Variants in TRIQK observed in about 807,000 individuals in gnomAD.
TRIQK encodes the protein triple QxxK/R motif-containing protein.
In TRIQK, 10 loss-of-function variants were observed where a neutral mutation model predicts 10.8. The ratio of observed to expected loss-of-function variants is 0.92; its 90% CI spans 0.57 to 1.57. The LOEUF is 1.57. Among genes scored for constraint, TRIQK ranks in the 40% most tolerant of loss-of-function variants. The pLI, the probability that TRIQK is intolerant of heterozygous loss-of-function variation, is 0.00. For synonymous variants in TRIQK, 33 were observed against 33.7 expected, an observed-to-expected ratio of 0.98 and a Z score of 0.07; for missense variants, 107 against 97.7, an observed-to-expected ratio of 1.09 and a Z score of -0.40.
At chr8:93,000,386 T>A (rs1406502046) in intron 1 of TRIQK, among the ~76,000 whole-genome samples, 1 of 152,154 alleles carries the variant, frequency 6.6e-6, no homozygotes, top group Non-Finnish European at 1.5e-5. Flanking sequence ...CAAAGGCACA[T>A]CTTACATGGT....
At chr8:92,927,941 T>G (rs1461291719) in intron 2 of TRIQK, 1 of 152,166 alleles carries the variant, frequency 6.6e-6, no homozygotes, top group Admixed American at 6.5e-5. Flanking sequence ...GATTCACAGG[T>G]ATGTGAACAA....
At chr8:93,011,435 G>T (rs1237030634) in intron 1 of TRIQK, among the ~76,000 whole-genome samples, 5 of 152,044 alleles carry the variant, frequency 3.3e-5, no homozygotes, top group Admixed American at 2.0e-4. Flanking sequence ...CAGTAGGCAA[G>T]ATACAGATGG....
At chr8:92,946,892 T>G (rs571670502) in intron 2 of TRIQK, among the ~76,000 whole-genome samples, 1 of 151,994 alleles carries the variant, frequency 6.6e-6, no homozygotes, top group East Asian at 1.9e-4. Context: ...TCAGAGTAGC[T>G]GGGACCGCAG....
chr8:92,969,024 G>C (rs533916671), upstream of TRIQK, among the ~76,000 whole-genome samples: 5 of 152,288 alleles, frequency 3.3e-5, no homozygotes, highest in African/African-American at 1.2e-4. Flanking sequence ...CATATAGCTA[G>C]CCAGTTTTCC....
chr8:93,006,523 A>G (rs1021880809), intron 1 of TRIQK, among the ~76,000 whole-genome samples: 17 of 152,172 alleles, frequency 1.1e-4, no homozygotes, highest in Non-Finnish European at 1.3e-4. Context: ...CCCAGTGGCG[A>G]CTAAGACTGC....
intron 1 of TRIQK, among the ~76,000 whole-genome samples, chr8:92,984,015 A>G (rs1469930020): frequency 1.3e-5 from 2 of 152,112 alleles, no homozygotes; most frequent in East Asian, 3.9e-4. Context: ...GTTACGTGAA[A>G]AATATCTATT....
intron 2 of TRIQK, among the ~76,000 whole-genome samples, chr8:92,933,711 T>C (rs1456193530): frequency 6.6e-6 from 1 of 152,170 alleles, no homozygotes; most frequent in African/African-American, 2.4e-5. Flanking sequence ...TGGGTATTTA[T>C]ACATTTAAAA....
At chr8:92,895,087 A>C (rs562571534) in intron 3 of TRIQK, among the ~76,000 whole-genome samples, 1 of 152,294 alleles carries the variant, frequency 6.6e-6, no homozygotes, top group African/African-American at 2.4e-5. Context: ...AGAGTGGGTT[A>C]GTTATCATAG....
At chr8:92,938,880 A>C (rs1053781438) in intron 2 of TRIQK, among the ~76,000 whole-genome samples, 2 of 152,054 alleles carry the variant, frequency 1.3e-5, no homozygotes, top group African/African-American at 4.8e-5. Context: ...TATTCCTCTT[A>C]TGTTAAGGTT....
chr8:92,901,633 T>C (rs1354300930), intron 3 of TRIQK, among the ~76,000 whole-genome samples: 1 of 152,150 alleles, frequency 6.6e-6, no homozygotes, highest in East Asian at 1.9e-4. Flanking sequence ...AATGTGTTGT[T>C]GGACTTTGGT....
At chr8:92,952,473 C>A (rs1586488622) in intron 2 of TRIQK, among the ~76,000 whole-genome samples, 1 of 151,384 alleles carries the variant, frequency 6.6e-6, no homozygotes, top group Non-Finnish European at 1.5e-5. Flanking sequence ...TGTGGTACAA[C>A]TCTAAAAGGT....
chr8:92,966,845 A>G (rs1372226341), upstream of TRIQK, among the ~76,000 whole-genome samples: 2 of 152,124 alleles, frequency 1.3e-5, no homozygotes, highest in African/African-American at 4.8e-5. Context: ...ATTGTGGTGA[A>G]CTAAATCTAA....
intron 2 of TRIQK, among the ~76,000 whole-genome samples, chr8:92,951,455 AC>A (rs1037065307): frequency 6.6e-6 from 1 of 152,008 alleles, no homozygotes; most frequent in African/African-American, 2.4e-5. Context: ...CCAGACAGAA[AC>A]CCGTGAGAGG....
chr8:93,002,718 G>C (rs1012317429), intron 1 of TRIQK, among the ~76,000 whole-genome samples: 7 of 152,028 alleles, frequency 4.6e-5, no homozygotes, highest in African/African-American at 1.7e-4. Flanking sequence ...CCAGGATTTC[G>C]AGACCAGCCT....
intron 1 of TRIQK, among the ~76,000 whole-genome samples, chr8:92,958,244 A>G (rs1187326801): frequency 6.6e-6 from 1 of 151,880 alleles, no homozygotes; most frequent in East Asian, 1.9e-4. Flanking sequence ...TACAAATCTT[A>G]TTATACTTAT....
At chr8:92,979,948 T>C (rs1812970024) in intron 1 of TRIQK, among the ~76,000 whole-genome samples, 1 of 152,096 alleles carries the variant, frequency 6.6e-6, no homozygotes, top group African/African-American at 2.4e-5. Context: ...TATATATCAT[T>C]TTATTTTCAT....
chr8:92,969,624 G>C (rs1317949629), upstream of TRIQK, among the ~76,000 whole-genome samples: 4 of 151,064 alleles, frequency 2.6e-5, no homozygotes, highest in Non-Finnish European at 4.4e-5. Flanking sequence ...TAAGTTCTAG[G>C]ATACATGTGC....
rs1458946747 is a variant in TRIQK, at chr8:92,884,287, T to G, written c.*2335A>C. On this transcript the variant is annotated 3_prime_UTR_variant, in exon 5 of 5. Coordinates refer to ENST00000521988, the MANE Select transcript of TRIQK (RefSeq NM_001171797.2). Reference sequence around the variant, plus strand: ...AAAGATTCAAACCAGACTCCCAATCTGGGATTTCTCTACAGAGGGTTGGCT... The same window carrying G: ...AAAGATTCAAACCAGACTCCCAATCGGGGATTTCTCTACAGAGGGTTGGCT... 6.5e-6 allele frequency: 1 copy of G among 153,178 alleles called. No individual in the cohort carries two copies. The highest frequency in any genetic ancestry group is 2.4e-5 in the African/African-American group (1 of 41,402). The allele number at this position is 153,178 out of a possible 1,614,324, so 9.5% of individuals were successfully genotyped here. A position where few individuals can be genotyped will look rare whatever the true frequency, so the allele number is the denominator to read the frequency against.
At chr8:92,906,598 T>C (rs1318670963) in intron 3 of TRIQK, among the ~76,000 whole-genome samples, 1 of 151,526 alleles carries the variant, frequency 6.6e-6, no homozygotes, top group Non-Finnish European at 1.5e-5. Flanking sequence ...ATCTTCCCCA[T>C]ACAAACAATT....
Sources: allele counts gnomAD v4.1 joint callset (sites outside exome capture counted in the v4.1 genomes callset), GRCh38; gene constraint gnomAD v4.1.1; transcripts MANE v1.5; gene names NCBI Gene and HGNC (gene_info 2026-07-23, HGNC 2026-07-21).